FSTL4: variants seen among roughly 807,000 people sequenced by gnomAD.
FSTL4 encodes follistatin like 4.
Under a neutral mutation model 78.2 loss-of-function variants are expected in FSTL4, and 28 were observed. The observed-to-expected ratio is 0.36, with a 90% CI of 0.27 to 0.49. The LOEUF (loss-of-function observed/expected upper bound fraction) is 0.49, where lower values mean the gene tolerates loss of function less well. Among genes scored for constraint, FSTL4 ranks in the 20% least tolerant of loss-of-function variants. The probability of loss-of-function intolerance (pLI) is 0.98; values close to 1 mark genes in which losing one functional copy is unlikely to be tolerated. For missense variants in FSTL4, 922 were observed against 1,084.9 expected, an observed-to-expected ratio of 0.85 and a Z score of 2.11; for synonymous variants, 422 against 440.5, an observed-to-expected ratio of 0.96 and a Z score of 0.53.
At position 133,395,563 on chromosome 5, in the gene FSTL4, G is replaced by A. The variant is rs376890434; in HGVS notation, c.409+5175C>T. Among the ~76,000 whole-genome samples the A allele has an allele frequency of 6.1e-4, 93 of 152,284 alleles. 1 individual carries two copies. Among genetic ancestry groups the A allele is most frequent in the African/African-American group, 2.2e-3 (90 of 41,548 alleles). On this transcript the variant is annotated intron_variant, in intron 4 of 15. Coordinates refer to ENST00000265342, the MANE Select transcript of FSTL4 (RefSeq NM_015082.2). ...ACCCACCAATTCTGGACACAACACT[G>A]GTCAGCTTGAGTTCAGACTTCCCTG...
chr5:133,524,096 A>G (rs1179300691), intron 3 of FSTL4, among the ~76,000 whole-genome samples: 2 of 152,190 alleles, frequency 1.3e-5, no homozygotes, highest in African/African-American at 4.8e-5. Flanking sequence ...GAGAGGGGAC[A>G]GCACAGCATG....
intron 3 of FSTL4, among the ~76,000 whole-genome samples, chr5:133,541,167 G>C (rs1009320349): frequency 6.6e-6 from 1 of 152,206 alleles, no homozygotes; most frequent in Non-Finnish European, 1.5e-5. Context: ...AACAACAAGC[G>C]TTGCATTATT....
chr5:133,830,710 C>T, the FSTL4 span, among the ~76,000 whole-genome samples: 500 of 152,328 alleles, frequency 3.3e-3, 3 homozygotes, highest in African/African-American at 0.012. Context: ...CCCAGCACTC[C>T]CTGCTCCGTG....
intron 4 of FSTL4, among the ~76,000 whole-genome samples, chr5:133,349,116 C>A (rs374438935): frequency 6.6e-6 from 1 of 152,182 alleles, no homozygotes; most frequent in African/African-American, 2.4e-5. Flanking sequence ...TAAAACACAT[C>A]TTGTGACAAC....
At chr5:133,651,111 T>C in the FSTL4 span, among the ~76,000 whole-genome samples, 1 of 152,198 alleles carries the variant, frequency 6.6e-6, no homozygotes, top group South Asian at 2.1e-4. Context: ...TATAATTGCA[T>C]ATTAGTTCCA....
At chr5:133,203,346 G>C (rs1750389357) in intron 14 of FSTL4, among the ~76,000 whole-genome samples, 1 of 152,236 alleles carries the variant, frequency 6.6e-6, no homozygotes, top group Non-Finnish European at 1.5e-5. Flanking sequence ...TCCCATGGCT[G>C]AGAGCTCTGG....
At chr5:133,509,589 T>C (rs1379119156) in intron 3 of FSTL4, among the ~76,000 whole-genome samples, 2 of 152,246 alleles carry the variant, frequency 1.3e-5, no homozygotes, top group Non-Finnish European at 2.9e-5. Context: ...AAATGGTTAT[T>C]GCTCTCAGCC....
the FSTL4 span, among the ~76,000 whole-genome samples, chr5:133,739,808 T>A: frequency 1.5e-4 from 23 of 152,000 alleles, no homozygotes; most frequent in East Asian, 4.4e-3. Context: ...ATGAAGAAAC[T>A]CAGGCTCAGA....
intron 3 of FSTL4, among the ~76,000 whole-genome samples, chr5:133,451,144 T>G (rs1475341261): frequency 6.6e-6 from 1 of 152,120 alleles, no homozygotes; most frequent in Non-Finnish European, 1.5e-5. Context: ...AGAGGGCAGG[T>G]TGAATTGATT....
At chr5:133,579,350 C>A (rs6596131) in intron 2 of FSTL4, among the ~76,000 whole-genome samples, 1 of 152,164 alleles carries the variant, frequency 6.6e-6, no homozygotes. Flanking sequence ...GTCACTGAAG[C>A]CTGACGTGCT....
chr5:133,524,553 G>A (rs1342952858), intron 3 of FSTL4, among the ~76,000 whole-genome samples: 3 of 152,174 alleles, frequency 2.0e-5, no homozygotes, highest in East Asian at 1.9e-4. Flanking sequence ...AAACAACTTC[G>A]CGCAGAGAAG....
chr5:133,293,093 A>G (rs112510785), intron 6 of FSTL4, among the ~76,000 whole-genome samples: 1,846 of 152,202 alleles, frequency 0.012, 43 homozygotes, highest in African/African-American at 0.042. Context: ...ACCTCCCGCC[A>G]CTCCATCTCC....
chr5:133,630,855 C>T, the FSTL4 span, among the ~76,000 whole-genome samples: 5 of 152,158 alleles, frequency 3.3e-5, no homozygotes, highest in Non-Finnish European at 7.4e-5. Context: ...ACCATCTGAT[C>T]TTTGACAAAC....
At chr5:133,348,708 C>T (rs1056781662) in intron 4 of FSTL4, among the ~76,000 whole-genome samples, 2 of 152,214 alleles carry the variant, frequency 1.3e-5, no homozygotes, top group Admixed American at 1.3e-4. Flanking sequence ...TCATAGCCGG[C>T]TACCTCTGCT....
chr5:133,206,679 C>T (rs1750516895), intron 14 of FSTL4, among the ~76,000 whole-genome samples: 2 of 152,118 alleles, frequency 1.3e-5, no homozygotes, highest in Non-Finnish European at 2.9e-5. Context: ...CAAGTCTTTT[C>T]ATCCTCCTGT....
At chr5:133,519,435 C>T (rs1227370928) in intron 3 of FSTL4, among the ~76,000 whole-genome samples, 1 of 152,222 alleles carries the variant, frequency 6.6e-6, no homozygotes, top group East Asian at 1.9e-4. Flanking sequence ...CTGAGCTGGC[C>T]TCAGGAAGCA....
At chr5:133,765,800 T>A in the FSTL4 span, among the ~76,000 whole-genome samples, 1 of 152,112 alleles carries the variant, frequency 6.6e-6, no homozygotes, top group East Asian at 1.9e-4. Context: ...AAAGCAGAGA[T>A]AAGATTATGC....
At chr5:133,641,278 A>AC in the FSTL4 span, among the ~76,000 whole-genome samples, 4 of 151,900 alleles carry the variant, frequency 2.6e-5, no homozygotes, top group African/African-American at 9.7e-5. Flanking sequence ...ACAAAAAAAA[A>AC]CACGTACTGA....
the FSTL4 span, among the ~76,000 whole-genome samples, chr5:133,633,407 C>T: frequency 1.5e-4 from 23 of 152,256 alleles, no homozygotes; most frequent in East Asian, 4.4e-3. Flanking sequence ...TGCTATTGAA[C>T]CCATTCATTA....
Sources: gnomAD v4.1 joint callset for allele counts (sites outside exome capture counted in the v4.1 genomes callset) on GRCh38, gnomAD v4.1.1 for gene constraint, MANE v1.5 for transcripts, NCBI Gene and HGNC (gene_info 2026-07-23, HGNC 2026-07-21) for gene names.